The following CFAP74 variants were observed in gnomAD, a reference collection of about 807,000 sequenced individuals.
The protein encoded by CFAP74 is cilia- and flagella-associated protein 74.
Under a neutral mutation model 188.9 loss-of-function variants are expected in CFAP74, and 124 were observed. The observed-to-expected ratio is 0.66, with a 90% CI of 0.57 to 0.76. The LOEUF (loss-of-function observed/expected upper bound fraction) is 0.76, where lower values mean the gene tolerates loss of function less well. Among genes scored for constraint, CFAP74 ranks in the 30% least tolerant of loss-of-function variants. The pLI is 0.00. For synonymous variants in CFAP74, 956 were observed against 916.7 expected (o/e 1.04, Z -0.77); for missense variants, 2,198 against 2,165.2 (o/e 1.02, Z -0.30).
chr1:1,953,033 G>A (rs1470155512), intron 18 of CFAP74, among the ~76,000 whole-genome samples: 1 of 152,128 alleles, frequency 6.6e-6, no homozygotes, highest in Non-Finnish European at 1.5e-5. Flanking sequence ...TTCATGCTAT[G>A]CTTTTTTGGT....
rs1198690843 is a variant in CFAP74, at chr1:1,963,857, A to G, written c.1586T>C (p.Ile529Thr). Residue 529 changes from isoleucine (I) to threonine (T), a missense_variant, in exon 14 of 39, where the codon ATT becomes ACT. Physicochemically the swap from Ile to Thr is moderately conservative, Grantham distance 89. Coordinates refer to ENST00000682832, the MANE Select transcript of CFAP74 (RefSeq NM_001304360.2). ...PELLHFQDFD[I>T]GKVYKKKITL... ...GATCTTTTTCTTGTACACTTTGCCA[A>G]TATCAAAGTCCTGGGAAAGGCCGAG... The G allele has an allele frequency of 1.9e-6, 3 of 1,610,766 alleles. No homozygotes were observed. The highest frequency in any genetic ancestry group is 1.3e-5 in the African/African-American group (1 of 74,850).
intron 1 of CFAP74, among the ~76,000 whole-genome samples, chr1:1,991,855 C>T (rs565980140): frequency 5.3e-5 from 8 of 150,694 alleles, no homozygotes; most frequent in East Asian, 2.2e-4. Flanking sequence ...CTGGCTAGCA[C>T]AGTGAAACCC....
intron 14 of CFAP74, among the ~76,000 whole-genome samples, chr1:1,961,914 CCATCAGAGCCCACGCGCCCCTGGGGG>C (rs1311963157): frequency 1.3e-5 from 2 of 152,196 alleles, no homozygotes; most frequent in East Asian, 3.9e-4. Context: ...CAGGGAGGGG[CCATCAGAGCCCACGCGCCCCTGGGGG>C]CAGCCTCAGG....
rs771268797 is a variant in CFAP74, at chr1:1,972,986, G to A, written c.736C>T (p.Arg246Trp). ...LRHQKLLEDA[R>W]KNHKVAVRFL... is the part of the protein sequence containing the mutation. Reference sequence around the variant, plus strand: ...CGCACGGCAACCTTGTGGTTCTTCCGGGCGTCCTCCAGCAGCTTCTGGTGC... The same window carrying A: ...CGCACGGCAACCTTGTGGTTCTTCCAGGCGTCCTCCAGCAGCTTCTGGTGC... The change falls in exon 8 of 39, where the codon CGG becomes TGG. Residue 246 changes from arginine (R) to tryptophan (W), a missense_variant. Transcript: ENST00000682832. 5.0e-6 allele frequency: 8 copies of A among 1,613,838 alleles called. No individual in the cohort carries two copies. The highest frequency in any genetic ancestry group is 6.8e-6 in the Non-Finnish European group (8 of 1,179,998).
rs771659429 is a variant in CFAP74, at chr1:1,923,336, G to A, written c.4522+31C>T. ...CGGGACAGGGGCACCGGGAGGCCCC[G>A]TGTCTGTTCCCTCCCTGGGGAGGGG... On this transcript the variant is annotated intron_variant, in intron 36 of 38. Transcript: ENST00000682832. This position sits in a 1 kb window ranked among gnomAD's most constrained non-coding sequence, Gnocchi z 6.3. 3.4e-5 allele frequency: 52 copies of A among 1,541,844 alleles called. No individual in the cohort carries two copies. Among genetic ancestry groups the A allele is most frequent in the Middle Eastern group, 1.7e-4 (1 of 5,736 alleles).
chr1:1,994,648 T>C (rs6661597), intron 1 of CFAP74, among the ~76,000 whole-genome samples: 83,990 of 152,176 alleles, frequency 0.55, 26,137 homozygotes, highest in African/African-American at 0.85. Flanking sequence ...GTGAATTCCA[T>C]GCGGCCTCCG....
chr1:1,952,039 C>T (rs895299476), intron 18 of CFAP74, among the ~76,000 whole-genome samples: 1 of 152,200 alleles, frequency 6.6e-6, no homozygotes, highest in Non-Finnish European at 1.5e-5. Context: ...GCAACCTCCA[C>T]CTCCCCGCTT....
intron 6 of CFAP74, among the ~76,000 whole-genome samples, chr1:1,980,914 T>C (rs1277348411): frequency 6.6e-6 from 1 of 152,154 alleles, no homozygotes; most frequent in Non-Finnish European, 1.5e-5. Context: ...GCCTGTTCTG[T>C]GGCTGCGGAT....
chr1:1,964,004 G>C (rs1196401880), intron 13 of CFAP74, 137 bp from the exon 14 acceptor site: 9 of 687,670 alleles, frequency 1.3e-5, no homozygotes, highest in Non-Finnish European at 2.1e-5. Context: ...CAATTTCCAA[G>C]GTTTCTCCCA....
chr1:1,959,779 GC>G (rs1654938865), intron 15 of CFAP74, among the ~76,000 whole-genome samples, 184 bp downstream of exon 15: 1 of 152,238 alleles, frequency 6.6e-6, no homozygotes, highest in Non-Finnish European at 1.5e-5. Flanking sequence ...CCGCGGTTCT[GC>G]CCAGCATTCA....
In CFAP74 at chr1:1,985,442, C is replaced by T. The variant is rs1441532969; in HGVS notation, c.444G>A (p.Glu148=). ...ACTGCAGGTCTCTCTCGTTCTCCAG[C>T]TCTGCAAACAGGCGTCTGGACACGG... ...LQAVSRRLFA[E]LENERDLQSR... is the part of the protein sequence containing the mutation. Residue 148 remains glutamate, a synonymous_variant, in exon 6 of 39, where the codon GAG becomes GAA. Coordinates refer to ENST00000682832, the MANE Select transcript of CFAP74 (RefSeq NM_001304360.2). 6.2e-6 allele frequency: 10 copies of T among 1,614,114 alleles called. No individual in the cohort carries two copies. Among genetic ancestry groups the T allele is most frequent in the South Asian group, 1.1e-5 (1 of 91,090 alleles).
chr1:1,972,850 AAAT>A, intron 8 of CFAP74, 84 bp downstream of exon 8: 2 of 907,742 alleles, frequency 2.2e-6, no homozygotes, highest in East Asian at 5.2e-5. Context: ...TTAAATAAAT[AAAT>A]AATAAAATCA....
At chr1:1,948,116 C>T (rs1447563670) in intron 18 of CFAP74, among the ~76,000 whole-genome samples, 1 of 152,072 alleles carries the variant, frequency 6.6e-6, no homozygotes, top group Non-Finnish European at 1.5e-5. Context: ...TGTGATCTGC[C>T]CACCTTGGCC....
chr1:1,959,331 A>G (rs1654898378), intron 15 of CFAP74, 122 bp from the exon 16 acceptor site: 1 of 644,618 alleles, frequency 1.6e-6, no homozygotes, highest in African/African-American at 1.8e-5. Flanking sequence ...TGCTCGATTC[A>G]CTGCAACCCC....
At position 1,955,679 on chromosome 1, in the gene CFAP74, A is replaced by C; in HGVS notation, c.2176+12T>G. ...CCCGCCCACCCTGGCTTGGCCTGGC[A>C]GCCTGGCTCACCTGCGGGCTGCTCC... is the stretch of plus-strand genomic sequence containing the variant. On this transcript the variant is annotated intron_variant, in intron 18 of 38. Transcript: ENST00000682832. 1 of 1,592,924 alleles carries C rather than the reference A, an allele frequency of 6.3e-7. No homozygotes were observed.
chr1:1,992,766 G>A lies in CFAP74; in HGVS notation c.-19-1791C>T, dbSNP rs184465450. The stretch of plus-strand genomic sequence containing the variant: ...TGGGATTACAGGCGTGAGCCACCAC[G>A]CCTGGCCCAAAAACAATTCTTAAAT... On this transcript the variant is annotated intron_variant, in intron 1 of 38. Coordinates refer to ENST00000682832, the MANE Select transcript of CFAP74 (RefSeq NM_001304360.2). Among the ~76,000 whole-genome samples the A allele has an allele frequency of 9.6e-3, 1,460 of 151,716 alleles. 25 individuals carry two copies. The highest frequency in any genetic ancestry group is 0.027 in the African/African-American group (1,113 of 41,366).
At position 1,921,973 on chromosome 1, in the gene CFAP74, A is replaced by C; in HGVS notation, c.*314T>G. ...GGCTGCATGTGTTGGCCTACAAAAA[A>C]TTTATTGACAGGCTGTGGAGGGCTC... is the stretch of plus-strand genomic sequence containing the variant. On this transcript the variant is annotated 3_prime_UTR_variant, in exon 39 of 39. Coordinates refer to ENST00000682832, the MANE Select transcript of CFAP74 (RefSeq NM_001304360.2). 1 of 349,690 alleles carries C rather than the reference A, an allele frequency of 2.9e-6. No individual in the cohort carries two copies. The highest frequency in any genetic ancestry group is 3.5e-5 in the South Asian group (1 of 28,204). The allele number at this position is 349,690 out of a possible 1,614,324, so 21.7% of individuals were successfully genotyped here. A position where few individuals can be genotyped will look rare whatever the true frequency, so the allele number is the denominator to read the frequency against.
chr1:1,985,220 G>T (rs1278154682), intron 6 of CFAP74, 166 bp downstream of exon 6: 9 of 586,068 alleles, frequency 1.5e-5, no homozygotes, highest in Non-Finnish European at 1.8e-5. Flanking sequence ...GCAACGTGAA[G>T]ACTAACCCTT....
rs74635559 is a variant in CFAP74, at chr1:1,961,531, C to T, written c.1695-1501G>A. Among the ~76,000 whole-genome samples the T allele has an allele frequency of 9.1e-3, 1,382 of 152,166 alleles. 19 individuals carry two copies. Among genetic ancestry groups the T allele is most frequent in the African/African-American group, 0.032 (1,340 of 41,506 alleles). ...CGTCCATGAGAAGTTCTCATCCCAG[C>T]GTGGGGAGGAATGCCTCGGTGGCTG... On this transcript the variant is annotated intron_variant, in intron 14 of 38. Coordinates refer to ENST00000682832, the MANE Select transcript of CFAP74 (RefSeq NM_001304360.2).
Sources: allele counts gnomAD v4.1 joint callset (sites outside exome capture counted in the v4.1 genomes callset), GRCh38; gene constraint gnomAD v4.1.1; non-coding constraint Gnocchi (gnomAD v3.1); transcripts MANE v1.5; gene names NCBI Gene and HGNC (gene_info 2026-07-23, HGNC 2026-07-21).